The following UNC93B1 variants were observed in gnomAD, a reference collection of about 807,000 sequenced individuals.
UNC93B1 encodes protein unc-93 homolog B1.
Under a neutral mutation model 56.8 loss-of-function variants are expected in UNC93B1, and 33 were observed. The ratio of observed to expected loss-of-function variants is 0.58; its 90% CI spans 0.44 to 0.78. The LOEUF is 0.78. UNC93B1 is among the 30% of genes least tolerant of loss of function. The pLI is 0.00. For missense variants in UNC93B1, 673 were observed against 819.5 expected (o/e 0.82, Z 2.18); for synonymous variants, 334 against 358.6 (o/e 0.93, Z 0.77).
rs1239967497 is a variant in UNC93B1, at chr11:68,003,643, C to G, written c.238+14G>C. On this transcript the variant is annotated intron_variant, in intron 2 of 10. Transcript: ENST00000227471. This position sits in a 1 kb window ranked among gnomAD's most constrained non-coding sequence, Gnocchi z 4.4. ...AGCGGGCGGGGCGGCCCCGGGTCCC[C>G]GAGCGGCACCTACCCAGGTAGACGC... is the stretch of plus-strand genomic sequence containing the variant. 1.3e-6 allele frequency: 2 copies of G among 1,513,140 alleles called. No individual in the cohort carries two copies. Among genetic ancestry groups the G allele is most frequent in the African/African-American group, 1.4e-5 (1 of 69,706 alleles). The allele number at this position is 1,513,140 out of a possible 1,614,324, so 93.7% of individuals were successfully genotyped here.
chr11:68,001,094 G>A (rs1198443096), intron 3 of UNC93B1, among the ~76,000 whole-genome samples: 2 of 152,126 alleles, frequency 1.3e-5, no homozygotes, highest in African/African-American at 4.8e-5. Flanking sequence ...TACTCAGGAG[G>A]CTGAGGCAGG....
intron 9 of UNC93B1, among the ~76,000 whole-genome samples, chr11:67,994,453 G>A (rs1856901484): frequency 6.6e-6 from 1 of 152,136 alleles, no homozygotes; most frequent in Admixed American, 6.5e-5. Context: ...CAAATCATAG[G>A]GGCCACTATT....
chr11:68,003,735 G>C lies in UNC93B1; in HGVS notation c.160C>G (p.Arg54Gly). The C allele has an allele frequency of 1.3e-6, 2 of 1,526,366 alleles. No homozygotes were observed. Among genetic ancestry groups the C allele is most frequent in the Non-Finnish European group, 1.8e-6 (2 of 1,142,606 alleles). The allele number at this position is 1,526,366 out of a possible 1,614,324, so 94.6% of individuals were successfully genotyped here. ...TTGAGCACGCCCAGGCGCTTGCGGC[G>C]GTAGTAGCGGCGCTCCTCCTCCTCC... ...NEEEEERRYY[R>G]RKRLGVLKNV... is the part of the protein sequence containing the mutation. Residue 54 changes from arginine (R) to glycine (G), a missense_variant, in exon 2 of 11, where the codon CGC (arginine) becomes GGC (glycine). Arg to Gly is a moderately radical substitution (Grantham distance 125). Around this residue, in one of 3 missense-constraint regions of UNC93B1, gnomAD observed 438 missense variants for 465.9 expected, o/e 0.94. Transcript: ENST00000227471. This position sits in a 1 kb window ranked among gnomAD's most constrained non-coding sequence, Gnocchi z 4.4.
At chr11:67,997,484 G>C (rs1366061791) in intron 7 of UNC93B1, 191 bp downstream of exon 7, 1 of 999,690 alleles carries the variant, frequency 1.0e-6, no homozygotes, top group Non-Finnish European at 1.4e-6. Context: ...CCCCGCCTCC[G>C]AGCCTCATGC....
At position 67,998,527 on chromosome 11, in the gene UNC93B1, G is replaced by T. The variant is rs535362708; in HGVS notation, c.688-75C>A. On this transcript the variant is annotated intron_variant, in intron 5 of 10. Transcript: ENST00000227471. ...AGGGACACAGGCATGGTCTGGGGAG[G>T]GGTCCAGGCACAGCCTTGGGGGAAC... 2.7e-6 allele frequency: 4 copies of T among 1,484,296 alleles called. No homozygotes were observed. The South Asian group carries it at 4.7e-5, about 17-fold the overall frequency. 91.9% of individuals were successfully genotyped at this position (1,484,296 alleles called of 1,614,324 possible).
At chr11:68,002,921 C>T (rs1743409527) in intron 3 of UNC93B1, 101 bp downstream of exon 3, 1 of 1,433,166 alleles carries the variant, frequency 7.0e-7, no homozygotes. Flanking sequence ...GTTCCCTCGC[C>T]CCACAAACAC....
chr11:67,998,444 G>A lies in UNC93B1; in HGVS notation c.696C>T (p.Phe232=), dbSNP rs766090062. 2.9e-5 allele frequency: 46 copies of A among 1,613,794 alleles called. No homozygotes were observed. Among genetic ancestry groups the A allele is most frequent in the Admixed American group, 2.0e-4 (12 of 60,012 alleles). The change falls in exon 6 of 11, where the codon TTC becomes TTT. Residue 232 remains phenylalanine (F), a synonymous_variant. Coordinates refer to ENST00000227471, the MANE Select transcript of UNC93B1 (RefSeq NM_030930.4). ...AIFYSFFHLS[F]ACAQLPMIYF... is the part of the protein sequence containing the mutation. ...AAATCATGGGCAGCTGGGCGCAGGC[G>A]AAGCTCAGCTGCAGAAACAAGGGCA...
At chr11:68,001,065 G>C (rs377607713) in intron 3 of UNC93B1, among the ~76,000 whole-genome samples, 1 of 151,932 alleles carries the variant, frequency 6.6e-6, no homozygotes, top group Non-Finnish European at 1.5e-5. Flanking sequence ...GCGTGGTGGC[G>C]GGCGCCTGTA....
Position 68,003,930 on chromosome 11 carries a change from C to G in UNC93B1, c.96+18G>C. 1 of 1,371,198 alleles carries G rather than the reference C, an allele frequency of 7.3e-7. No individual in the cohort carries two copies. Among genetic ancestry groups the G allele is most frequent in the East Asian group, 3.2e-5 (1 of 30,984 alleles). 84.9% of individuals were successfully genotyped at this position (1,371,198 alleles called of 1,614,324 possible). On this transcript the variant is annotated intron_variant, in intron 1 of 10. Coordinates refer to ENST00000227471, the MANE Select transcript of UNC93B1 (RefSeq NM_030930.4). This position sits in a 1 kb window ranked among gnomAD's most constrained non-coding sequence, Gnocchi z 4.4. ...CCACAGGGGACGCCCGCGCCTCGCA[C>G]TCCGGGTCCCCGCTCACCGGGGCCT...
Position 67,991,207 on chromosome 11 carries a change from C to T in UNC93B1, c.*339G>A, listed in dbSNP as rs556153977. On this transcript the variant is annotated 3_prime_UTR_variant, in exon 11 of 11. Transcript: ENST00000227471. ...AAGTGCGCTCACACGCGGCCCGGGT[C>T]CGCGGCCGAGAGCTGTGGGGATCTG... The T allele has an allele frequency of 3.7e-6, 1 of 267,884 alleles. No homozygotes were observed. Among genetic ancestry groups the T allele is most frequent in the South Asian group, 1.4e-4 (1 of 6,900 alleles). 16.6% of individuals were successfully genotyped at this position (267,884 alleles called of 1,614,324 possible).
chr11:67,997,909 A>G (rs1856977942), intron 6 of UNC93B1, 110 bp from the exon 7 acceptor site: 2 of 1,470,620 alleles, frequency 1.4e-6, no homozygotes, highest in Non-Finnish European at 1.8e-6. Flanking sequence ...AGGGCGGGAG[A>G]GTGAGAGCAA....
intron 4 of UNC93B1, 55 bp downstream of exon 4, chr11:67,999,464 A>T (rs1857007572): frequency 1.3e-6 from 2 of 1,545,262 alleles, no homozygotes; most frequent in Admixed American, 3.9e-5. Flanking sequence ...GTTGGCAATA[A>T]AGTGGAGGCT....
chr11:67,998,791 GA>G (rs906994591), intron 5 of UNC93B1, among the ~76,000 whole-genome samples: 4 of 152,152 alleles, frequency 2.6e-5, no homozygotes, highest in African/African-American at 9.7e-5. Context: ...CAGCTACTCA[GA>G]AGGCTGAGGT....
rs1590764885 is a variant in UNC93B1, at chr11:68,003,963, G to T, written c.81C>A (p.Asp27Glu). The T allele has an allele frequency of 7.2e-7, 1 of 1,394,978 alleles. No individual in the cohort carries two copies. The highest frequency in any genetic ancestry group is 1.5e-5 in the South Asian group (1 of 65,664). 86.4% of individuals were successfully genotyped at this position (1,394,978 alleles called of 1,614,324 possible). A position where few individuals can be genotyped will look rare whatever the true frequency, so the allele number is the denominator to read the frequency against. The stretch of plus-strand genomic sequence containing the variant: ...CCCCGCTCACCGGGGCCTCGGGCCC[G>T]TCCGGGACCCCGAGCAGGTCCTCGT... ...QGDEDLLGVPDGPEAPLDELV... is the reference protein window; with the variant it reads ...QGDEDLLGVPEGPEAPLDELV... Residue 27 changes from aspartate (D) to glutamate (E), a missense_variant, in exon 1 of 11, where the codon GAC (aspartate) becomes GAA (glutamate). By Grantham distance (45) the Asp-to-Glu change is conservative. Around this residue, in one of 3 missense-constraint regions of UNC93B1, gnomAD observed 438 missense variants for 465.9 expected, o/e 0.94. Coordinates refer to ENST00000227471, the MANE Select transcript of UNC93B1 (RefSeq NM_030930.4). The surrounding 1 kb of genome is among the most constrained non-coding windows in gnomAD (Gnocchi z 4.4).
Position 67,997,665 on chromosome 11 carries a change from C to T in UNC93B1, c.906+10G>A, listed in dbSNP as rs576000334. The T allele has an allele frequency of 3.7e-6, 6 of 1,601,326 alleles. No homozygotes were observed. In the East Asian group the frequency reaches 8.9e-5, roughly 24 times the overall value. On this transcript the variant is annotated intron_variant, in intron 7 of 10. Transcript: ENST00000227471. Reference sequence around the variant, plus strand: ...TTCACTGACTGTCCTGCCCCCATCCCGGGCCGCACCAGCAGCATGGCCAGG... The same window carrying T: ...TTCACTGACTGTCCTGCCCCCATCCTGGGCCGCACCAGCAGCATGGCCAGG...
chr11:67,998,505 G>T (rs369543173), intron 5 of UNC93B1, 53 bp from the exon 6 acceptor site: 7 of 1,581,264 alleles, frequency 4.4e-6, no homozygotes, highest in Non-Finnish European at 6.1e-6. Context: ...CCAGGCAAGG[G>T]ACACAGGCAT....
In UNC93B1 at chr11:67,997,528, T is replaced by A. The variant is rs551864802; in HGVS notation, c.906+147A>T. On this transcript the variant is annotated intron_variant, in intron 7 of 10. Transcript: ENST00000227471. Reference sequence around the variant, plus strand: ...CAGCACTCGGCCCTAGCTCCCCAACTCAGATCGCGCTCCCAGGCCTACGGC... The same window carrying A: ...CAGCACTCGGCCCTAGCTCCCCAACACAGATCGCGCTCCCAGGCCTACGGC... The A allele has an allele frequency of 1.4e-4, 190 of 1,383,042 alleles. No individual in the cohort carries two copies. In the African/African-American group the frequency reaches 2.6e-3, roughly 19 times the overall value. The allele number at this position is 1,383,042 out of a possible 1,614,324, so 85.7% of individuals were successfully genotyped here.
At chr11:67,997,441 A>G in intron 7 of UNC93B1, 2 of 627,706 alleles carry the variant, frequency 3.2e-6, no homozygotes, top group South Asian at 4.1e-5. Flanking sequence ...TGGCCTCTGG[A>G]TGCCCACGCC....
chr11:67,999,766 C>A, intron 3 of UNC93B1, 86 bp from the exon 4 acceptor site: 1 of 1,514,882 alleles, frequency 6.6e-7, no homozygotes, highest in Non-Finnish European at 8.9e-7. Flanking sequence ...CCGCAGGTCC[C>A]AGCTCACAGG....
Sources: gnomAD v4.1 joint callset for allele counts (sites outside exome capture counted in the v4.1 genomes callset) on GRCh38, gnomAD v4.1.1 for gene constraint, gnomAD v4.1.1 regional missense constraint, Gnocchi (gnomAD v3.1) non-coding constraint, MANE v1.5 for transcripts, NCBI Gene and HGNC (gene_info 2026-07-23, HGNC 2026-07-21) for gene names.